MARCHF1: variants seen among roughly 807,000 people sequenced by gnomAD.
MARCHF1 encodes the protein E3 ubiquitin-protein ligase MARCHF1.
Under a neutral mutation model 54.2 loss-of-function variants are expected in MARCHF1, and 40 were observed. The observed-to-expected ratio is 0.74, with a 90% confidence interval of 0.57 to 0.96. The LOEUF (loss-of-function observed/expected upper bound fraction) is 0.96. MARCHF1 is among the 40% of genes least tolerant of loss of function. MARCHF1 has a pLI of 0.00. For synonymous variants in MARCHF1, 236 were observed against 236.3 expected (o/e 1.00, Z 0.01); for missense variants, 586 against 656.5 (o/e 0.89, Z 1.17).
At chr4:163,971,131 C>A (rs914606902) in intron 3 of MARCHF1, among the ~76,000 whole-genome samples, 1 of 137,208 alleles carries the variant, frequency 7.3e-6, no homozygotes, top group East Asian at 2.2e-4. Flanking sequence ...ACTTCTCTCT[C>A]GTACCCTATT....
At chr4:164,240,262 C>T (rs376891792) in intron 1 of MARCHF1, among the ~76,000 whole-genome samples, 14 of 152,214 alleles carry the variant, frequency 9.2e-5, no homozygotes, top group African/African-American at 2.9e-4. Flanking sequence ...CTATTAGTAA[C>T]AAACAATCCA....
chr4:164,192,307 C>T (rs916111479), intron 1 of MARCHF1, among the ~76,000 whole-genome samples: 1 of 151,946 alleles, frequency 6.6e-6, no homozygotes, highest in Non-Finnish European at 1.5e-5. Flanking sequence ...TTTACTTTCA[C>T]CTTAGGATTT....
chr4:164,283,183 G>A (rs1173754716), intron 1 of MARCHF1, among the ~76,000 whole-genome samples: 1 of 150,912 alleles, frequency 6.6e-6, no homozygotes, highest in Non-Finnish European at 1.5e-5. Flanking sequence ...AAGTTAGAGA[G>A]GAAAATCGCT....
chr4:163,777,905 G>C (rs1466166984), intron 4 of MARCHF1, among the ~76,000 whole-genome samples: 1 of 152,022 alleles, frequency 6.6e-6, no homozygotes, highest in Non-Finnish European at 1.5e-5. Flanking sequence ...AAGTTCCCTG[G>C]GGTTTCTTTG....
intron 4 of MARCHF1, among the ~76,000 whole-genome samples, chr4:163,794,254 C>T (rs1261749911): frequency 3.3e-5 from 5 of 152,124 alleles, no homozygotes; most frequent in Non-Finnish European, 2.9e-5. Flanking sequence ...TATGTATGTT[C>T]CCTACATATT....
chr4:163,821,908 CA>C (rs1360308750), intron 4 of MARCHF1, among the ~76,000 whole-genome samples: 1 of 150,170 alleles, frequency 6.7e-6, no homozygotes, highest in Non-Finnish European at 1.5e-5. Context: ...ACTCTTTTGA[CA>C]AAAAAAGCAT....
At position 163,894,775 on chromosome 4, in the gene MARCHF1, GCATA is replaced by G. The variant is rs1251022825; in HGVS notation, c.-38-40610_-38-40607del. The stretch of plus-strand genomic sequence containing the variant: ...ATGCATATATATACATGCATGTGAT[GCATA>G]TATATACATGCATGTGATGCATATA... On this transcript the variant is annotated intron_variant, in intron 3 of 9. Transcript: ENST00000514618. Among the ~76,000 whole-genome samples, 3 of 79,462 alleles carry G rather than the reference GCATA, an allele frequency of 3.8e-5. 1 individual carries two copies. The highest frequency in any genetic ancestry group is 1.6e-4 in the African/African-American group (3 of 18,484). 52.1% of individuals were successfully genotyped at this position (79,462 alleles called of 152,430 possible).
rs561698913 is a variant in MARCHF1, at chr4:163,878,437, C to T, written c.-38-24268G>A. Reference sequence around the variant, plus strand: ...TTGGGTTGTCTGGGTTTTAGGGATTCGAAAGACTCTGGAAGAAGTGCAGCA... The same window carrying T: ...TTGGGTTGTCTGGGTTTTAGGGATTTGAAAGACTCTGGAAGAAGTGCAGCA... On this transcript the variant is annotated intron_variant, in intron 3 of 9. Coordinates refer to ENST00000514618, the MANE Select transcript of MARCHF1 (RefSeq NM_001394959.1). Among the ~76,000 whole-genome samples the T allele has an allele frequency of 5.3e-5, 8 of 152,140 alleles. No individual in the cohort carries two copies. In the South Asian group the frequency reaches 8.3e-4, roughly 16 times the overall value.
chr4:163,901,481 G>C (rs933928179), intron 3 of MARCHF1, among the ~76,000 whole-genome samples: 2 of 152,096 alleles, frequency 1.3e-5, no homozygotes, highest in African/African-American at 4.8e-5. Context: ...GCTCTCATTA[G>C]ATTTACTGCC....
At chr4:163,645,313 C>G (rs559996037) in intron 5 of MARCHF1, among the ~76,000 whole-genome samples, 82 of 152,158 alleles carry the variant, frequency 5.4e-4, no homozygotes, top group Non-Finnish European at 9.7e-4. Context: ...CTGACTCCAG[C>G]CCCATACAAC....
At chr4:163,888,810 T>C (rs1036606729) in intron 3 of MARCHF1, among the ~76,000 whole-genome samples, 5 of 152,126 alleles carry the variant, frequency 3.3e-5, no homozygotes, top group African/African-American at 9.7e-5. Context: ...TTGGAGATCA[T>C]AGCATCTCTC....
intron 1 of MARCHF1, among the ~76,000 whole-genome samples, chr4:164,206,235 G>A (rs1242081301): frequency 2.0e-5 from 3 of 152,110 alleles, no homozygotes; most frequent in African/African-American, 7.2e-5. Context: ...TCAGGAGTTC[G>A]AGACCAGCCT....
At chr4:164,035,633 C>CAA (rs34846855) in intron 2 of MARCHF1, among the ~76,000 whole-genome samples, 48,742 of 143,634 alleles carry the variant, frequency 0.34, 8,886 homozygotes, top group South Asian at 0.44. Flanking sequence ...ATAAAGAATA[C>CAA]AAAAAAAAAA....
intron 4 of MARCHF1, among the ~76,000 whole-genome samples, chr4:163,814,821 G>T (rs1016264463): frequency 6.6e-6 from 1 of 152,084 alleles, no homozygotes; most frequent in African/African-American, 2.4e-5. Context: ...CAATGCTACA[G>T]GATTCTGAGA....
intron 5 of MARCHF1, among the ~76,000 whole-genome samples, chr4:163,679,242 G>T (rs1299890678): frequency 6.6e-6 from 1 of 152,126 alleles, no homozygotes; most frequent in Non-Finnish European, 1.5e-5. Context: ...CAGATCACTA[G>T]ATTTTTCAGG....
chr4:164,006,318 TG>T (rs1397186385), intron 2 of MARCHF1, among the ~76,000 whole-genome samples: 1 of 152,100 alleles, frequency 6.6e-6, no homozygotes, highest in Non-Finnish European at 1.5e-5. Flanking sequence ...AAAAGACATT[TG>T]TTGCACTGAA....
intron 2 of MARCHF1, among the ~76,000 whole-genome samples, chr4:164,070,139 T>C (rs1754831535): frequency 6.6e-6 from 1 of 152,124 alleles, no homozygotes. Flanking sequence ...GAGAAGGGTG[T>C]TGATTGAAAA....
At chr4:163,680,688 C>G (rs954561167) in intron 5 of MARCHF1, among the ~76,000 whole-genome samples, 1 of 152,082 alleles carries the variant, frequency 6.6e-6, no homozygotes, top group African/African-American at 2.4e-5. Context: ...AACTTTTTTT[C>G]TACATATTCT....
At chr4:164,059,166 T>A (rs897646710) in intron 2 of MARCHF1, among the ~76,000 whole-genome samples, 1 of 152,210 alleles carries the variant, frequency 6.6e-6, no homozygotes, top group Non-Finnish European at 1.5e-5. Flanking sequence ...TCCTCCAGGA[T>A]CTGCCTCAAA....
Sources: allele counts gnomAD v4.1 joint callset (sites outside exome capture counted in the v4.1 genomes callset), GRCh38; gene constraint gnomAD v4.1.1; transcripts MANE v1.5; gene names NCBI Gene and HGNC (gene_info 2026-07-23, HGNC 2026-07-21).